The following FAM120B variants were observed in gnomAD, a reference collection of about 807,000 sequenced individuals.
FAM120B encodes family with sequence similarity 120 member B, also known as constitutive coactivator of peroxisome proliferator-activated receptor gamma.
FAM120B carries 83 observed loss-of-function variants against 96.3 expected under a neutral mutation model. That is an observed-to-expected ratio of 0.86 (90% CI 0.72 to 1.03). FAM120B has a LOEUF of 1.03. FAM120B is among the 50% of genes least tolerant of loss of function. FAM120B has a pLI of 0.00. For missense variants in FAM120B, 1,027 were observed against 1,121.2 expected (o/e 0.92, Z 1.20); for synonymous variants, 407 against 402.7 (o/e 1.01, Z -0.13).
chr6:170,400,260 G>A (rs1436124347), intron 9 of FAM120B, among the ~76,000 whole-genome samples: 6 of 151,004 alleles, frequency 4.0e-5, no homozygotes, highest in Admixed American at 6.6e-5. Context: ...GAGTGAGTGG[G>A]GAAGGTAGAA....
chr6:170,363,418 A>G lies in FAM120B; in HGVS notation c.2283+5100A>G, dbSNP rs1033827564. Among the ~76,000 whole-genome samples the G allele has an allele frequency of 1.4e-4, 22 of 152,258 alleles. No individual in the cohort carries two copies. Among genetic ancestry groups the G allele is most frequent in the African/African-American group, 5.3e-4 (22 of 41,466 alleles). ...CCTGGTGTGCATGGCGAGTGCAGCA[A>G]GTCACACCTGTGTCAGCAGCATCGT... On this transcript the variant is annotated intron_variant, in intron 6 of 10. Transcript: ENST00000476287. The surrounding 1 kb of genome is among the most constrained non-coding windows in gnomAD (Gnocchi z 4.5).
At chr6:170,360,814 C>T (rs1788307755) in intron 6 of FAM120B, among the ~76,000 whole-genome samples, 1 of 152,098 alleles carries the variant, frequency 6.6e-6, no homozygotes, top group Non-Finnish European at 1.5e-5. Context: ...GTTCATCTCC[C>T]CACCAGCCAA....
At chr6:170,354,895 C>T (rs111954860) in intron 5 of FAM120B, among the ~76,000 whole-genome samples, 8 of 152,296 alleles carry the variant, frequency 5.3e-5, no homozygotes, top group African/African-American at 1.9e-4. Context: ...TGCCACTGCA[C>T]TCCAGCCTGG....
intron 6 of FAM120B, among the ~76,000 whole-genome samples, chr6:170,368,336 G>A (rs1788932138): frequency 6.6e-6 from 1 of 152,166 alleles, no homozygotes; most frequent in African/African-American, 2.4e-5. Context: ...GTGATAAGCA[G>A]GTATGCCATG....
chr6:170,350,808 AAGAT>A (rs1253246430), intron 5 of FAM120B, among the ~76,000 whole-genome samples: 1 of 152,240 alleles, frequency 6.6e-6, no homozygotes, highest in Non-Finnish European at 1.5e-5. Context: ...TCAAAGATCA[AAGAT>A]AGATAAGCCT....
At chr6:170,379,480 C>G (rs1049767018) in intron 6 of FAM120B, among the ~76,000 whole-genome samples, 2 of 152,166 alleles carry the variant, frequency 1.3e-5, no homozygotes, top group African/African-American at 2.4e-5. Flanking sequence ...ATTATACTTA[C>G]CAGTTGAGCA....
Position 170,318,731 on chromosome 6 carries a change from A to G in FAM120B, c.1341A>G (p.Gln447=). ...VPMYTDSEPR[Q]EVPMYTGSEP... ...TGTATACAGACTCTGAACCCAGGCA[A>G]GAAGTTCCCATGTATACAGGCTCTG... The change falls in exon 2 of 11, where the codon CAA becomes CAG. Residue 447 remains glutamine (Q), a synonymous_variant. Transcript: ENST00000476287. 6.3e-7 allele frequency: 1 copy of G among 1,594,182 alleles called. No homozygotes were observed. Among genetic ancestry groups the G allele is most frequent in the Non-Finnish European group, 8.5e-7 (1 of 1,170,354 alleles).
rs184189801 is a variant in FAM120B at position 170,307,849 on chromosome 6, A to G, written c.-22+1007A>G. On this transcript the variant is annotated intron_variant, in intron 1 of 10. Transcript: ENST00000476287. ...ATGGTAGTGGAGAGAACCTGGAGGT[A>G]AAGAAGTGAGAGGGTAGTCTTTCTG... Among the ~76,000 whole-genome samples, 46 of 152,308 alleles carry G rather than the reference A, an allele frequency of 3.0e-4. 1 individual carries two copies. The highest frequency in any genetic ancestry group is 2.7e-3 in the Admixed American group (42 of 15,302).
rs1785003137 is a variant in FAM120B, at chr6:170,317,896, A to G, written c.506A>G (p.Gln169Arg). Reference sequence around the variant, plus strand: ...TATGAGGTAGCTTCCTATGGCCTCCAGCATAACTGTCTTGGGATTCTGGGG... The same window carrying G: ...TATGAGGTAGCTTCCTATGGCCTCCGGCATAACTGTCTTGGGATTCTGGGG... ...ADYEVASYGL[Q>R]HNCLGILGED... Residue 169 changes from glutamine to arginine, a missense_variant, in exon 2 of 11, where the codon CAG (glutamine) becomes CGG (arginine). Around this residue, in one of 3 missense-constraint regions of FAM120B, gnomAD observed 880 missense variants for 980.9 expected, o/e 0.90. Coordinates refer to ENST00000476287, the MANE Select transcript of FAM120B (RefSeq NM_032448.3). 6.2e-7 allele frequency: 1 copy of G among 1,614,124 alleles called. No individual in the cohort carries two copies. Among genetic ancestry groups the G allele is most frequent in the Admixed American group, 1.7e-5 (1 of 60,012 alleles).
At chr6:170,361,704 G>A (rs1788470168) in intron 6 of FAM120B, among the ~76,000 whole-genome samples, 2 of 152,184 alleles carry the variant, frequency 1.3e-5, no homozygotes, top group Non-Finnish European at 2.9e-5. Flanking sequence ...ACTTTGAATA[G>A]GACATGTGAT....
chr6:170,336,771 G>C (rs1016424845), intron 4 of FAM120B, among the ~76,000 whole-genome samples: 1 of 152,052 alleles, frequency 6.6e-6, no homozygotes, highest in Non-Finnish European at 1.5e-5. Flanking sequence ...TGTATTCCTA[G>C]GTATTTTATT....
intron 10 of FAM120B, 71 bp downstream of exon 10, chr6:170,404,672 T>G (rs375836474): frequency 3.3e-6 from 4 of 1,207,466 alleles, no homozygotes; most frequent in Non-Finnish European, 4.9e-6. Flanking sequence ...ATCTTCCATA[T>G]CAAGTACCAA....
At chr6:170,307,372 G>A (rs1784357389) in intron 1 of FAM120B, among the ~76,000 whole-genome samples, 1 of 152,198 alleles carries the variant, frequency 6.6e-6, no homozygotes, top group Non-Finnish European at 1.5e-5. Context: ...TTCCCTGCCA[G>A]CAAGGAGTTT....
chr6:170,360,444 G>T (rs369641948), intron 6 of FAM120B, among the ~76,000 whole-genome samples: 3 of 152,290 alleles, frequency 2.0e-5, no homozygotes, highest in African/African-American at 7.2e-5. Flanking sequence ...TTGACACCCT[G>T]TCCGGGGTTC....
intron 6 of FAM120B, among the ~76,000 whole-genome samples, chr6:170,376,675 G>A (rs1789539405): frequency 6.6e-6 from 1 of 152,194 alleles, no homozygotes; most frequent in Non-Finnish European, 1.5e-5. Flanking sequence ...TGATTGGAGT[G>A]GTTTGGTTAC....
chr6:170,295,316 T>C (rs1157591357), upstream of FAM120B: 7 of 692,774 alleles, frequency 1.0e-5, no homozygotes, highest in Admixed American at 2.0e-5. The surrounding 1 kb of genome is among the most constrained non-coding windows in gnomAD (Gnocchi z 7.8). Context: ...CACAGATGTG[T>C]TCACACTCGG....
intron 8 of FAM120B, among the ~76,000 whole-genome samples, chr6:170,395,255 C>T (rs1790666917): frequency 6.6e-6 from 1 of 152,096 alleles, no homozygotes; most frequent in South Asian, 2.1e-4. Context: ...CCTCTCACCA[C>T]CAATACCAGA....
chr6:170,322,746 T>G (rs12173744), intron 2 of FAM120B, among the ~76,000 whole-genome samples: 20,296 of 152,050 alleles, frequency 0.13, 1,492 homozygotes, highest in East Asian at 0.31. Flanking sequence ...GAGAAACTGG[T>G]CTAGGGGATT....
Position 170,384,434 on chromosome 6 carries a change from G to T in FAM120B, c.2284-3853G>T, listed in dbSNP as rs140708554. Among the ~76,000 whole-genome samples the T allele has an allele frequency of 5.8e-3, 876 of 152,288 alleles. 8 individuals carry two copies. Among genetic ancestry groups the T allele is most frequent in the African/African-American group, 0.02 (836 of 41,548 alleles). ...ATACCTAAGGTCTCAGGGACACTGGGAAATTAAAAGTTTTAGGACAGAAAA... is the reference window on the plus strand; with the variant it reads ...ATACCTAAGGTCTCAGGGACACTGGTAAATTAAAAGTTTTAGGACAGAAAA... On this transcript the variant is annotated intron_variant, in intron 6 of 10. Transcript: ENST00000476287.
Sources: allele counts gnomAD v4.1 joint callset (sites outside exome capture counted in the v4.1 genomes callset), GRCh38; gene constraint gnomAD v4.1.1; regional missense constraint gnomAD v4.1.1; non-coding constraint Gnocchi (gnomAD v3.1); transcripts MANE v1.5; gene names NCBI Gene and HGNC (gene_info 2026-07-23, HGNC 2026-07-21).